TMEM132B: variants seen among roughly 807,000 people sequenced by gnomAD.
The protein encoded by TMEM132B is transmembrane protein 132B.
Under a neutral mutation model 90.8 loss-of-function variants are expected in TMEM132B, and 18 were observed. The observed-to-expected ratio is 0.20, with a 90% CI of 0.14 to 0.29. The LOEUF (loss-of-function observed/expected upper bound fraction) is 0.29, where lower values mean the gene tolerates loss of function less well. Ranked by LOEUF, TMEM132B falls within the 10% of genes least tolerant of loss-of-function variation. The pLI, the probability that TMEM132B is intolerant of heterozygous loss-of-function variation, is 1.00. For missense variants in TMEM132B, 1,096 were observed against 1,326.8 expected (o/e 0.83, Z 2.70); for synonymous variants, 504 against 523.3 (o/e 0.96, Z 0.50).
At chr12:125,386,205 C>T (rs1878827687) in intron 2 of TMEM132B, among the ~76,000 whole-genome samples, 1 of 152,160 alleles carries the variant, frequency 6.6e-6, no homozygotes, top group African/African-American at 2.4e-5. Flanking sequence ...CCAGTCTGGT[C>T]TTGAACTCTT....
At chr12:125,598,750 G>T (rs1474956798) in intron 5 of TMEM132B, among the ~76,000 whole-genome samples, 1 of 152,168 alleles carries the variant, frequency 6.6e-6, no homozygotes, top group African/African-American at 2.4e-5. Context: ...GCTGAGCATT[G>T]CGCCTCAGAG....
intron 5 of TMEM132B, chr12:125,622,512 T>A (rs1886134280): frequency 1.0e-6 from 1 of 985,366 alleles, no homozygotes. Flanking sequence ...AAGAAAGGTG[T>A]AGATCCTGCA....
intron 2 of TMEM132B, among the ~76,000 whole-genome samples, chr12:125,387,292 C>T (rs1294599383): frequency 2.6e-5 from 4 of 152,296 alleles, no homozygotes; most frequent in African/African-American, 9.6e-5. Context: ...TCCACAAGCA[C>T]AGCTAGAAAT....
intron 4 of TMEM132B, among the ~76,000 whole-genome samples, chr12:125,536,467 G>T (rs1055339283): frequency 2.6e-5 from 4 of 152,148 alleles, no homozygotes; most frequent in Non-Finnish European, 5.9e-5. Flanking sequence ...GCACTTCCAT[G>T]AACTCACTCG....
intron 5 of TMEM132B, among the ~76,000 whole-genome samples, chr12:125,626,621 A>G (rs148909515): frequency 3.4e-4 from 51 of 152,000 alleles, no homozygotes; most frequent in African/African-American, 1.1e-3. Context: ...ATGCCATCCT[A>G]TTGTCTTATT....
At chr12:125,621,141 T>A (rs1329672111) in intron 5 of TMEM132B, among the ~76,000 whole-genome samples, 2 of 152,234 alleles carry the variant, frequency 1.3e-5, no homozygotes, top group Non-Finnish European at 2.9e-5. Flanking sequence ...ACCTGATTTA[T>A]GACCTTGAAT....
Position 125,401,650 on chromosome 12 carries a change from C to T in TMEM132B, c.960-13881C>T, listed in dbSNP as rs531650783. 2.2e-4 allele frequency among the ~76,000 whole-genome samples: 34 copies of T among 152,264 alleles called. 1 individual carries two copies. The highest frequency in any genetic ancestry group is 1.7e-3 in the Admixed American group (26 of 15,304). Reference sequence around the variant, plus strand: ...GAGCCAGTGTTCTGTTCCCCACCAACATACAATATTAGCATATTTTCACAC... The same window carrying T: ...GAGCCAGTGTTCTGTTCCCCACCAATATACAATATTAGCATATTTTCACAC... On this transcript the variant is annotated intron_variant, in intron 2 of 8. Transcript: ENST00000682704.
At chr12:125,271,406 G>A (rs114250113) in intron 1 of TMEM132B, among the ~76,000 whole-genome samples, 1,769 of 152,320 alleles carry the variant, frequency 0.012, 42 homozygotes, top group African/African-American at 0.041. Flanking sequence ...TTGTTTGACA[G>A]TGTCTGCCAT....
chr12:125,457,894 G>C (rs1881336070), intron 3 of TMEM132B, among the ~76,000 whole-genome samples: 1 of 152,188 alleles, frequency 6.6e-6, no homozygotes, highest in African/African-American at 2.4e-5. Flanking sequence ...GCAGGAGCTG[G>C]GTCTGGACAG....
At chr12:125,444,951 A>G (rs1227265379) in intron 3 of TMEM132B, among the ~76,000 whole-genome samples, 1 of 152,140 alleles carries the variant, frequency 6.6e-6, no homozygotes, top group African/African-American at 2.4e-5. Context: ...ACGGAAGGCA[A>G]TTCTTTGCAA....
chr12:125,230,770 C>G (rs764517929), intron 1 of TMEM132B, among the ~76,000 whole-genome samples: 67 of 151,790 alleles, frequency 4.4e-4, no homozygotes, highest in East Asian at 9.7e-4. Context: ...TCGCAAAGTG[C>G]TGGGATTACA....
At chr12:125,500,640 G>C (rs1882672168) in intron 3 of TMEM132B, among the ~76,000 whole-genome samples, 1 of 152,210 alleles carries the variant, frequency 6.6e-6, no homozygotes, top group African/African-American at 2.4e-5. Context: ...AATGGAAGGG[G>C]AAGAATTTTG....
Position 125,408,312 on chromosome 12 carries a change from A to G in TMEM132B, c.960-7219A>G, listed in dbSNP as rs1879573161. Among the ~76,000 whole-genome samples the G allele has an allele frequency of 6.6e-6, 1 of 152,088 alleles. No homozygotes were observed. On this transcript the variant is annotated intron_variant, in intron 2 of 8. Transcript: ENST00000682704. The surrounding 1 kb of genome is among the most constrained non-coding windows in gnomAD (Gnocchi z 5.9). Reference sequence around the variant, plus strand: ...ACGTCTGTATCCCCCACAAATTCGCATGTTGAAATTCTTATCCCCAAGGCA... The same window carrying G: ...ACGTCTGTATCCCCCACAAATTCGCGTGTTGAAATTCTTATCCCCAAGGCA...
intron 3 of TMEM132B, among the ~76,000 whole-genome samples, chr12:125,478,584 A>G (rs2136520170): frequency 6.6e-6 from 1 of 152,342 alleles, no homozygotes; most frequent in Middle Eastern, 3.4e-3. Flanking sequence ...ACAAATGAAC[A>G]AAGCCTCCAA....
chr12:125,449,028 G>A (rs573962832), intron 3 of TMEM132B, among the ~76,000 whole-genome samples: 33 of 147,860 alleles, frequency 2.2e-4, no homozygotes, highest in Non-Finnish European at 3.7e-4. Context: ...GTGCAGTGGC[G>A]CAGTCTCGGC....
At chr12:125,413,063 A>T (rs1056423017) in intron 2 of TMEM132B, among the ~76,000 whole-genome samples, 7 of 152,134 alleles carry the variant, frequency 4.6e-5, no homozygotes, top group Non-Finnish European at 1.0e-4. Flanking sequence ...GGAGAAAGGG[A>T]GGCAGAAACA....
intron 2 of TMEM132B, among the ~76,000 whole-genome samples, chr12:125,352,283 ATTTC>A (rs1304944619): frequency 6.6e-6 from 1 of 152,240 alleles, no homozygotes; most frequent in Non-Finnish European, 1.5e-5. Flanking sequence ...TTCTAAGACA[ATTTC>A]TTTCTCTGCA....
intron 4 of TMEM132B, among the ~76,000 whole-genome samples, chr12:125,568,339 C>T (rs1208588072): frequency 6.6e-6 from 1 of 152,184 alleles, no homozygotes; most frequent in Non-Finnish European, 1.5e-5. Flanking sequence ...ATAATCACAT[C>T]AAGGTAAATG....
At chr12:125,395,938 T>C (rs1879156525) in intron 2 of TMEM132B, among the ~76,000 whole-genome samples, 1 of 152,326 alleles carries the variant, frequency 6.6e-6, no homozygotes, top group Middle Eastern at 3.4e-3. Flanking sequence ...CTGAGTCACA[T>C]GTCTACTTGT....
Sources: gnomAD v4.1 joint callset for allele counts (sites outside exome capture counted in the v4.1 genomes callset) on GRCh38, gnomAD v4.1.1 for gene constraint, Gnocchi (gnomAD v3.1) non-coding constraint, MANE v1.5 for transcripts, NCBI Gene and HGNC (gene_info 2026-07-23, HGNC 2026-07-21) for gene names.